SUMF1: variants seen among roughly 807,000 people sequenced by gnomAD.
SUMF1 encodes formylglycine-generating enzyme.
SUMF1 carries 48 observed loss-of-function variants against 47.6 expected under a neutral mutation model. The observed-to-expected ratio is 1.01, with a 90% CI of 0.80 to 1.28. The LOEUF (loss-of-function observed/expected upper bound fraction) is 1.28, where lower values mean the gene tolerates loss of function less well. SUMF1 is among the 50% of genes most tolerant of loss of function. The pLI, the probability that SUMF1 is intolerant of heterozygous loss-of-function variation, is 0.00. For synonymous variants in SUMF1, 230 were observed against 192.1 expected (o/e 1.20, Z -1.63); for missense variants, 571 against 485.4 (o/e 1.18, Z -1.66).
intron 7 of SUMF1, among the ~76,000 whole-genome samples, chr3:4,402,232 A>G (rs1172006795): frequency 1.3e-5 from 2 of 152,120 alleles, no homozygotes; most frequent in Non-Finnish European, 2.9e-5. Flanking sequence ...GAATTCCTCA[A>G]AAGGCTGGAC....
rs772864058 is a variant in SUMF1, at chr3:4,167,594, C to T, written c.1015-98849G>A. ...TACAAACCTCTTGCTAGCTACAGAGCGCTGATTGGTGCATTTTACAATCCC... is the reference window on the plus strand; with the variant it reads ...TACAAACCTCTTGCTAGCTACAGAGTGCTGATTGGTGCATTTTACAATCCC... On this transcript the variant is annotated intron_variant and NMD_transcript_variant, in intron 8 of 12. Transcript: ENST00000448413. 3.1e-4 allele frequency among the ~76,000 whole-genome samples: 47 copies of T among 152,052 alleles called. 1 individual carries two copies. Among genetic ancestry groups the T allele is most frequent in the Admixed American group, 4.6e-4 (7 of 15,270 alleles).
chr3:4,280,812 AC>A (rs1697512080), intron 8 of SUMF1, among the ~76,000 whole-genome samples: 1 of 116,726 alleles, frequency 8.6e-6, no homozygotes, highest in Non-Finnish European at 1.8e-5. Flanking sequence ...AATGGCATTC[AC>A]CGTGTGTGTG....
chr3:4,345,661 C>G (rs142975480), intron 8 of SUMF1, among the ~76,000 whole-genome samples: 2,391 of 152,228 alleles, frequency 0.016, 71 homozygotes, highest in African/African-American at 0.054. Flanking sequence ...ATCATGATGA[C>G]AGGATCAAAT....
chr3:4,101,992 G>C (rs892922485), intron 8 of SUMF1, among the ~76,000 whole-genome samples: 1 of 152,080 alleles, frequency 6.6e-6, no homozygotes, highest in Non-Finnish European at 1.5e-5. Context: ...CTGAGCAAAA[G>C]GGGAAGCCCC....
intron 8 of SUMF1, among the ~76,000 whole-genome samples, chr3:4,222,023 A>G (rs1696077213): frequency 6.6e-6 from 1 of 152,050 alleles, no homozygotes; most frequent in African/African-American, 2.4e-5. Flanking sequence ...GCTTTTGAAG[A>G]TTTATTGACA....
intron 8 of SUMF1, among the ~76,000 whole-genome samples, chr3:4,179,738 T>A (rs961079309): frequency 2.6e-5 from 4 of 152,064 alleles, no homozygotes; most frequent in Non-Finnish European, 4.4e-5. Flanking sequence ...AGAGAAACTA[T>A]CATCAGCGTG....
At chr3:4,056,699 A>G (rs1324134646) in intron 9 of SUMF1, among the ~76,000 whole-genome samples, 1 of 152,000 alleles carries the variant, frequency 6.6e-6, no homozygotes, top group Non-Finnish European at 1.5e-5. Flanking sequence ...TAATAGAATT[A>G]TGTGTGGTTT....
chr3:4,165,951 C>T (rs1383949184), intron 8 of SUMF1, among the ~76,000 whole-genome samples: 1 of 151,040 alleles, frequency 6.6e-6, no homozygotes, highest in African/African-American at 2.4e-5. Flanking sequence ...GCAGATCCCC[C>T]TCTTGCCCAA....
At chr3:4,115,991 G>A (rs1693415968) in intron 8 of SUMF1, among the ~76,000 whole-genome samples, 1 of 152,018 alleles carries the variant, frequency 6.6e-6, no homozygotes, top group South Asian at 2.1e-4. Flanking sequence ...ACAAATAAAT[G>A]AAAGTTATTG....
chr3:4,174,409 G>C (rs1437975930), intron 8 of SUMF1, among the ~76,000 whole-genome samples: 1 of 150,638 alleles, frequency 6.6e-6, no homozygotes, highest in African/African-American at 2.4e-5. Context: ...ATTAAACCTG[G>C]AATCCAGCCA....
intron 8 of SUMF1, among the ~76,000 whole-genome samples, chr3:4,197,143 G>T (rs1240919591): frequency 1.3e-5 from 2 of 152,134 alleles, no homozygotes; most frequent in Admixed American, 1.3e-4. Flanking sequence ...GAACTATCAG[G>T]AGATGGTATC....
intron 8 of SUMF1, among the ~76,000 whole-genome samples, chr3:4,321,560 C>T (rs1462630100): frequency 1.3e-5 from 2 of 150,526 alleles, no homozygotes; most frequent in African/African-American, 2.4e-5. Flanking sequence ...TAAAAGCTCC[C>T]AGTGACCAAA....
intron 8 of SUMF1, among the ~76,000 whole-genome samples, chr3:4,153,115 C>A (rs2125107109): frequency 6.6e-6 from 1 of 151,654 alleles, no homozygotes; most frequent in South Asian, 2.1e-4. Flanking sequence ...TTAATGGATA[C>A]ATATATCAAA....
chr3:4,330,850 A>C (rs1281587002), intron 8 of SUMF1, among the ~76,000 whole-genome samples: 1 of 152,212 alleles, frequency 6.6e-6, no homozygotes, highest in Non-Finnish European at 1.5e-5. Flanking sequence ...AATCCATCTC[A>C]ATCTCAATCA....
intron 8 of SUMF1, among the ~76,000 whole-genome samples, chr3:4,302,742 G>T (rs779291398): frequency 6.6e-6 from 1 of 152,116 alleles, no homozygotes; most frequent in Non-Finnish European, 1.5e-5. Context: ...GCTTCAGTGA[G>T]GTTGAAAATG....
chr3:4,253,901 C>T (rs313667), intron 8 of SUMF1, among the ~76,000 whole-genome samples: 22,596 of 145,116 alleles, frequency 0.16, 1,997 homozygotes, highest in South Asian at 0.32. Flanking sequence ...TCTCCCAGCA[C>T]GCAGCTGGAG....
chr3:4,206,284 G>A (rs1042860178), intron 8 of SUMF1, among the ~76,000 whole-genome samples: 9 of 151,824 alleles, frequency 5.9e-5, no homozygotes, highest in African/African-American at 1.2e-4. Context: ...TGAGTCATGT[G>A]CACCCCAAGT....
chr3:4,139,978 C>T (rs974483048), intron 8 of SUMF1, among the ~76,000 whole-genome samples: 5 of 152,036 alleles, frequency 3.3e-5, no homozygotes, highest in Admixed American at 3.3e-4. Context: ...AAGGACCACA[C>T]ATCCTTTGCA....
In SUMF1 at chr3:4,054,297, A is replaced by G. The variant is rs144830252; in HGVS notation, c.1191+14272T>C. Among the ~76,000 whole-genome samples, 280 of 152,342 alleles carry G rather than the reference A, an allele frequency of 1.8e-3. No homozygotes were observed. The Middle Eastern group carries it at 0.031, about 17-fold the overall frequency. ...CTTCACCAGAAACAAAACAGCTTCA[A>G]TTTAAAGGATTTATCACAGGAATGA... On this transcript the variant is annotated intron_variant and NMD_transcript_variant, in intron 9 of 12. Coordinates refer to the SUMF1 transcript ENST00000448413.
Sources: gnomAD v4.1 joint callset for allele counts (sites outside exome capture counted in the v4.1 genomes callset) on GRCh38, gnomAD v4.1.1 for gene constraint, MANE v1.5 for transcripts, NCBI Gene and HGNC (gene_info 2026-07-23, HGNC 2026-07-21) for gene names.